Variants in KDM3B observed in about 807,000 individuals in gnomAD.
The protein encoded by KDM3B is lysine demethylase 3B.
In KDM3B, 10 loss-of-function variants were observed where a neutral mutation model predicts 170.0. The observed-to-expected ratio is 0.06, with a 90% CI of 0.04 to 0.10. The LOEUF (loss-of-function observed/expected upper bound fraction) is 0.10. Ranked by LOEUF, KDM3B falls within the 10% of genes least tolerant of loss-of-function variation. KDM3B has a pLI of 1.00. For synonymous variants in KDM3B, 831 were observed against 834.8 expected (o/e 1.00, Z 0.08); for missense variants, 1,394 against 2,195.2 (o/e 0.64, Z 7.29).
intron 1 of KDM3B, among the ~76,000 whole-genome samples, chr5:138,354,902 A>T (rs1333129562): frequency 6.6e-6 from 1 of 152,184 alleles, no homozygotes; most frequent in Non-Finnish European, 1.5e-5. Flanking sequence ...CAAAACTCAG[A>T]GCCTTTAGAT....
At chr5:138,422,736 T>G (rs1351752006) in intron 15 of KDM3B, among the ~76,000 whole-genome samples, 1 of 152,194 alleles carries the variant, frequency 6.6e-6, no homozygotes, top group Non-Finnish European at 1.5e-5. Flanking sequence ...TCTCCAGTGT[T>G]TCTCGAGATA....
intron 11 of KDM3B, among the ~76,000 whole-genome samples, chr5:138,409,413 T>C (rs2126975683): frequency 6.6e-6 from 1 of 152,162 alleles, no homozygotes; most frequent in East Asian, 1.9e-4. Context: ...CAATTAGAAA[T>C]TGAAATGTAA....
chr5:138,355,488 G>A (rs922120149), intron 1 of KDM3B, among the ~76,000 whole-genome samples: 1 of 152,162 alleles, frequency 6.6e-6, no homozygotes, highest in African/African-American at 2.4e-5. Flanking sequence ...TGTTGATAAG[G>A]TTCTCATAGG....
chr5:138,353,329 G>A (rs753845461), intron 1 of KDM3B, among the ~76,000 whole-genome samples: 1 of 152,226 alleles, frequency 6.6e-6, no homozygotes, highest in Non-Finnish European at 1.5e-5. Flanking sequence ...GAGCCTCAGA[G>A]TTCGGCCAGT....
intron 1 of KDM3B, among the ~76,000 whole-genome samples, chr5:138,367,940 G>C (rs1434228297): frequency 6.6e-6 from 1 of 151,872 alleles, no homozygotes; most frequent in Non-Finnish European, 1.5e-5. Context: ...TTGAACCTGG[G>C]AGGTGGAGGT....
chr5:138,365,048 C>T (rs536329425), intron 1 of KDM3B, among the ~76,000 whole-genome samples: 27 of 152,230 alleles, frequency 1.8e-4, no homozygotes, highest in African/African-American at 6.0e-4. Context: ...CATGCATCTT[C>T]GCCCACCTTG....
chr5:138,368,605 ACAGT>A (rs1761803229), intron 1 of KDM3B, among the ~76,000 whole-genome samples: 1 of 152,180 alleles, frequency 6.6e-6, no homozygotes, highest in Non-Finnish European at 1.5e-5. Flanking sequence ...GAAGCGAAGT[ACAGT>A]CCTGGGCCAG....
chr5:138,366,066 C>G (rs1761738585), intron 1 of KDM3B, among the ~76,000 whole-genome samples: 1 of 152,012 alleles, frequency 6.6e-6, no homozygotes, highest in African/African-American at 2.4e-5. Flanking sequence ...ACTGTTCACT[C>G]TCTCATCCCA....
intron 7 of KDM3B, among the ~76,000 whole-genome samples, chr5:138,388,866 C>A (rs1377283636): frequency 6.6e-6 from 1 of 152,182 alleles, no homozygotes; most frequent in Non-Finnish European, 1.5e-5. Flanking sequence ...AATGGCTGAT[C>A]TAAAATAAAG....
intron 2 of KDM3B, 101 bp from the exon 3 acceptor site, chr5:138,374,992 T>G (rs1561762100): frequency 1.8e-5 from 13 of 718,310 alleles, no homozygotes; most frequent in Non-Finnish European, 1.0e-5. Context: ...TTTACTGGGA[T>G]GAAAGATATA....
At chr5:138,431,336 G>C (rs1217633950) in intron 22 of KDM3B, 89 bp from the exon 23 acceptor site, 2 of 1,094,370 alleles carry the variant, frequency 1.8e-6, no homozygotes, top group South Asian at 4.0e-5. Flanking sequence ...TATTTCTCAA[G>C]GGTTTTTTTA....
chr5:138,419,663 A>AAAT (rs572056946), intron 14 of KDM3B, among the ~76,000 whole-genome samples: 2,788 of 125,026 alleles, frequency 0.022, 142 homozygotes, highest in South Asian at 0.11. Context: ...AAAAAAAAAA[A>AAAT]AAAAAATATA....
At chr5:138,353,419 C>T (rs1484057968) in intron 1 of KDM3B, among the ~76,000 whole-genome samples, 2 of 152,242 alleles carry the variant, frequency 1.3e-5, no homozygotes, top group Non-Finnish European at 1.5e-5. Context: ...CCTTTTCTCC[C>T]AGAGCCCCAA....
At position 138,391,289 on chromosome 5, in the gene KDM3B, A is replaced by G; in HGVS notation, c.1657A>G (p.Ser553Gly). The G allele has an allele frequency of 6.2e-7, 1 of 1,614,188 alleles. No homozygotes were observed. The change falls in exon 8 of 24, where the codon AGT becomes GGT. Residue 553 changes from serine (S) to glycine (G), a missense_variant. Ser to Gly is a moderately conservative substitution (Grantham distance 56). Transcript: ENST00000314358. This position sits in a 1 kb window ranked among gnomAD's most constrained non-coding sequence, Gnocchi z 5.0. ...VSESLADDSS[S>G]RDSFKQSLES... is the part of the protein sequence containing the mutation. Reference sequence around the variant, plus strand: ...AGAGAGTTTGGCTGATGATTCTTCTAGTCGGGACTCATTCAAACAAAGCCT... The same window carrying G: ...AGAGAGTTTGGCTGATGATTCTTCTGGTCGGGACTCATTCAAACAAAGCCT...
intron 7 of KDM3B, among the ~76,000 whole-genome samples, chr5:138,390,445 C>T (rs1367735469): frequency 6.6e-6 from 1 of 152,126 alleles, no homozygotes; most frequent in Non-Finnish European, 1.5e-5. Flanking sequence ...ATGCCGAAAT[C>T]CAAAAGGGTC....
Position 138,386,062 on chromosome 5 carries a change from A to C in KDM3B, c.821A>C (p.Lys274Thr), listed in dbSNP as rs1762252519. 1 of 1,612,254 alleles carries C rather than the reference A, an allele frequency of 6.2e-7. No individual in the cohort carries two copies. Among genetic ancestry groups the C allele is most frequent in the East Asian group, 2.2e-5 (1 of 44,862 alleles). ...LKAVKSSKGKKKRESIEGKDG... is the reference protein window; with the variant it reads ...LKAVKSSKGKTKRESIEGKDG... ...GCAGTAAAATCTTCCAAAGGAAAGA[A>C]GAAGAGAGAAAGCATAGAGGGGAAA... The change falls in exon 7 of 24, where the codon AAG becomes ACG. Residue 274 changes from lysine (K) to threonine (T), a missense_variant. Lys to Thr is a moderately conservative substitution (Grantham distance 78, BLOSUM62 -1). Around this residue, in one of 19 missense-constraint regions of KDM3B, gnomAD observed 166 missense variants for 216.4 expected, o/e 0.77. Coordinates refer to ENST00000314358, the MANE Select transcript of KDM3B (RefSeq NM_016604.4).
intron 8 of KDM3B, among the ~76,000 whole-genome samples, chr5:138,392,538 G>A (rs979968935): frequency 1.2e-4 from 18 of 152,332 alleles, no homozygotes; most frequent in African/African-American, 4.1e-4. Context: ...TTTTGGTCAG[G>A]AACTATTTCT....
At chr5:138,369,687 C>T (rs1761827131) in intron 1 of KDM3B, among the ~76,000 whole-genome samples, 1 of 152,184 alleles carries the variant, frequency 6.6e-6, no homozygotes, top group Admixed American at 6.5e-5. Flanking sequence ...TTGTTGTCCT[C>T]AGCCTCTATC....
At chr5:138,415,891 T>C (rs1441304805) in intron 12 of KDM3B, among the ~76,000 whole-genome samples, 1 of 152,156 alleles carries the variant, frequency 6.6e-6, no homozygotes, top group East Asian at 1.9e-4. Context: ...AAAAAGCCAG[T>C]GCCTAGGCTT....
Sources: gnomAD v4.1 joint callset for allele counts (sites outside exome capture counted in the v4.1 genomes callset) on GRCh38, gnomAD v4.1.1 for gene constraint, gnomAD v4.1.1 regional missense constraint, Gnocchi (gnomAD v3.1) non-coding constraint, MANE v1.5 for transcripts, NCBI Gene and HGNC (gene_info 2026-07-23, HGNC 2026-07-21) for gene names.